Variants in LMX1A observed in about 807,000 individuals in gnomAD.
The protein encoded by LMX1A is LIM homeobox transcription factor 1-alpha.
LMX1A carries 15 observed loss-of-function variants against 49.1 expected under a neutral mutation model. That is an observed-to-expected ratio of 0.31 (90% CI 0.20 to 0.47). The LOEUF is 0.47. Among genes scored for constraint, LMX1A ranks in the 20% least tolerant of loss-of-function variants. The pLI, the probability that LMX1A is intolerant of heterozygous loss-of-function variation, is 1.00. For missense variants in LMX1A, 372 were observed against 475.8 expected, an observed-to-expected ratio of 0.78 and a Z score of 2.03; for synonymous variants, 167 against 185.7, an observed-to-expected ratio of 0.90 and a Z score of 0.82.
chr1:165,305,134 T>C (rs1351649850), intron 3 of LMX1A, among the ~76,000 whole-genome samples: 2 of 152,098 alleles, frequency 1.3e-5, no homozygotes, highest in African/African-American at 4.8e-5. Flanking sequence ...GCCCAGCACA[T>C]AGTAGGTGCT....
At chr1:165,257,252 C>T (rs1432494392) in intron 3 of LMX1A, among the ~76,000 whole-genome samples, 1 of 152,046 alleles carries the variant, frequency 6.6e-6, no homozygotes, top group Non-Finnish European at 1.5e-5. Context: ...ATGGCGAACT[C>T]ATGGGTCCTG....
intron 3 of LMX1A, among the ~76,000 whole-genome samples, chr1:165,350,106 C>A (rs907518036): frequency 2.0e-5 from 3 of 148,774 alleles, no homozygotes; most frequent in African/African-American, 7.5e-5. Context: ...ATTGTCCTAC[C>A]ACTTAACTTT....
rs762166620 is a variant in LMX1A at position 165,213,831 on chromosome 1, C to G, written c.497-18G>C. On this transcript the variant is annotated intron_variant, in intron 4 of 8. Transcript: ENST00000342310. ...ACTTTTACCTGAAAGAAGCAAAAGA[C>G]AATGTTGTGAGTCCCTGAAAGCCAG... 3 of 1,612,658 alleles carry G rather than the reference C, an allele frequency of 1.9e-6. No homozygotes were observed. Among genetic ancestry groups the G allele is most frequent in the Non-Finnish European group, 2.5e-6 (3 of 1,179,372 alleles).
At chr1:165,220,354 G>A (rs1432820054) in intron 4 of LMX1A, among the ~76,000 whole-genome samples, 1 of 152,156 alleles carries the variant, frequency 6.6e-6, no homozygotes, top group African/African-American at 2.4e-5. Flanking sequence ...AGGCTTCCAG[G>A]TAAGGAAGGA....
chr1:165,326,885 G>A (rs1655600847), intron 3 of LMX1A, among the ~76,000 whole-genome samples: 1 of 152,184 alleles, frequency 6.6e-6, no homozygotes, highest in Non-Finnish European at 1.5e-5. Context: ...CATCAAGTGG[G>A]TAGAGCCAGG....
chr1:165,317,723 C>G (rs1158431510), intron 3 of LMX1A, among the ~76,000 whole-genome samples: 1 of 152,250 alleles, frequency 6.6e-6, no homozygotes, highest in African/African-American at 2.4e-5. Context: ...AAACACATCA[C>G]CTCCAGCTGA....
chr1:165,249,935 A>G (rs1267657389), intron 3 of LMX1A, among the ~76,000 whole-genome samples: 1 of 152,208 alleles, frequency 6.6e-6, no homozygotes, highest in Non-Finnish European at 1.5e-5. Context: ...TTTCAGGCAC[A>G]TGATTGGAAC....
chr1:165,204,486 G>A (rs570559143), intron 8 of LMX1A, among the ~76,000 whole-genome samples: 2 of 152,336 alleles, frequency 1.3e-5, no homozygotes, highest in African/African-American at 4.8e-5. Context: ...AACACCAAGG[G>A]TCTACTATCA....
chr1:165,325,835 AAC>A (rs1467507575), intron 3 of LMX1A, among the ~76,000 whole-genome samples: 3 of 152,196 alleles, frequency 2.0e-5, no homozygotes, highest in Non-Finnish European at 4.4e-5. Flanking sequence ...AAACCTGGAA[AAC>A]ACAATTATCA....
intron 4 of LMX1A, among the ~76,000 whole-genome samples, chr1:165,222,607 G>C (rs570442305): frequency 9.2e-5 from 14 of 152,278 alleles, no homozygotes; most frequent in Non-Finnish European, 1.9e-4. Flanking sequence ...AGGAAGGTGC[G>C]GTAAGTTGAC....
chr1:165,232,323 C>T (rs1652267938), intron 4 of LMX1A, among the ~76,000 whole-genome samples: 1 of 152,224 alleles, frequency 6.6e-6, no homozygotes, highest in Admixed American at 6.5e-5. Context: ...AAGCATTTTC[C>T]ATTCCTTTTC....
intron 4 of LMX1A, among the ~76,000 whole-genome samples, chr1:165,247,180 T>TA (rs1411656074): frequency 6.7e-6 from 1 of 150,060 alleles, no homozygotes; most frequent in Non-Finnish European, 1.5e-5. Flanking sequence ...CTGTATAACT[T>TA]AGTGATTAAG....
intron 3 of LMX1A, among the ~76,000 whole-genome samples, chr1:165,279,053 A>G (rs1654055900): frequency 6.6e-6 from 1 of 152,258 alleles, no homozygotes; most frequent in South Asian, 2.1e-4. Context: ...GAGGAGTCCA[A>G]AATTTAAAGT....
intron 4 of LMX1A, among the ~76,000 whole-genome samples, chr1:165,242,014 T>A (rs766765528): frequency 6.6e-6 from 1 of 152,232 alleles, no homozygotes; most frequent in East Asian, 1.9e-4. Context: ...ATGTGAGGAA[T>A]CTTCTTTCTG....
intron 3 of LMX1A, among the ~76,000 whole-genome samples, chr1:165,328,740 G>C (rs185351459): frequency 2.4e-4 from 37 of 152,308 alleles, no homozygotes; most frequent in Non-Finnish European, 4.7e-4. Context: ...AAAGGCAAAG[G>C]CATGTCCCAT....
At chr1:165,229,873 T>G (rs2102619383) in intron 4 of LMX1A, among the ~76,000 whole-genome samples, 1 of 152,318 alleles carries the variant, frequency 6.6e-6, no homozygotes, top group South Asian at 2.1e-4. Flanking sequence ...ATGCTTACAT[T>G]GGGAAATGCA....
At chr1:165,266,595 CTTTT>C (rs61551654) in intron 3 of LMX1A, among the ~76,000 whole-genome samples, 5 of 79,182 alleles carry the variant, frequency 6.3e-5, no homozygotes, top group Admixed American at 1.9e-4. Flanking sequence ...TTCTTTCTTT[CTTTT>C]TTTTTTTTTT....
At chr1:165,222,559 A>G (rs1651888421) in intron 4 of LMX1A, among the ~76,000 whole-genome samples, 1 of 152,234 alleles carries the variant, frequency 6.6e-6, no homozygotes, top group Non-Finnish European at 1.5e-5. Flanking sequence ...TATCTCTCCA[A>G]ATTGAAAAAG....
chr1:165,310,377 C>T (rs1238970739), intron 3 of LMX1A, among the ~76,000 whole-genome samples: 1 of 152,170 alleles, frequency 6.6e-6, no homozygotes. Context: ...TGACAAAAAG[C>T]ACCTTCTTTG....
Sources: gnomAD v4.1 joint callset for allele counts (sites outside exome capture counted in the v4.1 genomes callset) on GRCh38, gnomAD v4.1.1 for gene constraint, MANE v1.5 for transcripts, NCBI Gene and HGNC (gene_info 2026-07-23, HGNC 2026-07-21) for gene names.